The following LPAR4 variants were observed in gnomAD, a reference collection of about 807,000 sequenced individuals.
The protein encoded by LPAR4 is G-protein coupled receptor 23.
In LPAR4, 14 loss-of-function variants were observed where a neutral mutation model predicts 9.2. The observed-to-expected ratio is 1.51, with a 90% CI of 1.00 to 2.37. LPAR4 has a LOEUF of 2.37. Ranked by LOEUF, LPAR4 falls within the 30% of genes most tolerant of loss-of-function variation. LPAR4 has a pLI of 0.00. For missense variants in LPAR4, 251 were observed against 272.1 expected, an observed-to-expected ratio of 0.92 and a Z score of 0.55; for synonymous variants, 131 against 97.9, an observed-to-expected ratio of 1.34 and a Z score of -1.99.
rs1417251010 is a variant in LPAR4 at position 78,757,549 on chromosome X, A to C, written c.*1567A>C. Among the ~76,000 whole-genome samples, 4 of 111,861 alleles carry C rather than the reference A, an allele frequency of 3.6e-5. No homozygotes were observed. Among genetic ancestry groups the C allele is most frequent in the Non-Finnish European group, 7.5e-5 (4 of 53,068 alleles). Reference sequence around the variant, plus strand: ...TTTATAATTTACTTAAACCGCAAAAATCTTTAAAACTCTTACTAGTTTTTA... The same window carrying C: ...TTTATAATTTACTTAAACCGCAAAACTCTTTAAAACTCTTACTAGTTTTTA... On this transcript the variant is annotated 3_prime_UTR_variant, in exon 5 of 5. Transcript: ENST00000614823.
rs772302006 is a variant in LPAR4, at chrX:78,755,535, T to A, written c.666T>A (p.Ser222=). 1 of 1,207,539 alleles carries A rather than the reference T, an allele frequency of 8.3e-7. No individual in the cohort carries two copies. The highest frequency in any genetic ancestry group is 1.8e-5 in the South Asian group (1 of 56,877). ...TCATTCCTCTAATATTGAATGTCTC[T>A]TGCTCTTCTGTGGTGCTGAGAACTC... ...GFIIPLILNV[S]CSSVVLRTLR... is the part of the protein sequence containing the mutation. Residue 222 remains serine, a synonymous_variant, in exon 5 of 5, where the codon TCT becomes TCA. Transcript: ENST00000614823.
rs1455189689 is a variant in LPAR4, at chrX:78,758,664, G to A, written c.*2682G>A. ...GAAAAGCAATTTTGCAGCTGTAATT[G>A]CAACTTGGATTTTAAATGTTTATTA... On this transcript the variant is annotated 3_prime_UTR_variant, in exon 5 of 5. Transcript: ENST00000614823. Among the ~76,000 whole-genome samples the A allele has an allele frequency of 9.0e-6, 1 of 111,379 alleles. No individual in the cohort carries two copies. The highest frequency in any genetic ancestry group is 1.9e-5 in the Non-Finnish European group (1 of 52,944).
At chrX:78,748,148 C>T (rs1444385547) in intron 1 of LPAR4, 114 bp downstream of exon 1, 2 of 111,020 alleles carry the variant, frequency 1.8e-5, no homozygotes. Flanking sequence ...AGTTAGACTT[C>T]AACTCTGAAG....
Position 78,755,905 on chromosome X carries a change from C to T in LPAR4, c.1036C>T (p.Leu346Phe), listed in dbSNP as rs758815838. ...AACACCTTTGACCACAAAGCCTTCC[C>T]TTCCAGCTATTCAAGAGGAAGTGAG... ...TETPLTTKPS[L>F]PAIQEEVSDQ... Residue 346 changes from leucine to phenylalanine, a missense_variant, in exon 5 of 5, where the codon CTT becomes TTT. Coordinates refer to ENST00000614823, the MANE Select transcript of LPAR4 (RefSeq NM_001278000.3). 8.3e-7 allele frequency: 1 copy of T among 1,205,279 alleles called. No homozygotes were observed. Among genetic ancestry groups the T allele is most frequent in the African/African-American group, 1.8e-5 (1 of 57,061 alleles).
At position 78,755,982 on chromosome X, in the gene LPAR4, G is replaced by A. The variant is rs1925276903; in HGVS notation, c.1113G>A (p.Ter371=). The A allele has an allele frequency of 1.7e-6, 2 of 1,194,547 alleles. No individual in the cohort carries two copies. Among genetic ancestry groups the A allele is most frequent in the East Asian group, 3.0e-5 (1 of 33,723 alleles). ...GGELMLESTF[*] ...AATTAATGCTAGAATCCACCTTTTA[G>A]GTATGAGAAATGTGTTCAGGTCCAG... The change falls in exon 5 of 5, where the codon TAG becomes TAA. Residue 371 remains the stop codon, a stop_retained_variant. Transcript: ENST00000614823.
chrX:78,753,533 G>A, intron 4 of LPAR4, among the ~76,000 whole-genome samples: 1 of 112,110 alleles, frequency 8.9e-6, no homozygotes, highest in Non-Finnish European at 1.9e-5. Context: ...ACACTAGAAG[G>A]ATGTGTTCCT....
At position 78,756,450 on chromosome X, in the gene LPAR4, CATT is replaced by C. The variant is rs1306225134; in HGVS notation, c.*473_*475del. The C allele has an allele frequency of 2.4e-5, 3 of 123,093 alleles. No individual in the cohort carries two copies. Among genetic ancestry groups the C allele is most frequent in the African/African-American group, 9.8e-5 (3 of 30,567 alleles). 10.1% of individuals were successfully genotyped at this position (123,093 alleles called of 1,213,427 possible). A position where few individuals can be genotyped will look rare whatever the true frequency, so the allele number is the denominator to read the frequency against. ...TAGCACAAGAATATTTTTAGCCTAA[CATT>C]ATTAATAAGAAATGTGTCAAATTTT... On this transcript the variant is annotated 3_prime_UTR_variant, in exon 5 of 5. Transcript: ENST00000614823.
chrX:78,757,953 A>C lies in LPAR4; in HGVS notation c.*1971A>C, dbSNP rs1925375279. Among the ~76,000 whole-genome samples the C allele has an allele frequency of 8.9e-6, 1 of 112,014 alleles. No individual in the cohort carries two copies. Among genetic ancestry groups the C allele is most frequent in the South Asian group, 3.6e-4 (1 of 2,767 alleles). ...TTCTAAAACAATAAGCAAATTTTTA[A>C]AACTCATTAACTTGTTTTTCTTTCT... On this transcript the variant is annotated 3_prime_UTR_variant, in exon 5 of 5. Transcript: ENST00000614823.
chrX:78,755,894 C>A lies in LPAR4; in HGVS notation c.1025C>A (p.Thr342Lys), dbSNP rs1222862804. 8.3e-7 allele frequency: 1 copy of A among 1,207,798 alleles called. No homozygotes were observed. Among genetic ancestry groups the A allele is most frequent in the Admixed American group, 2.2e-5 (1 of 45,942 alleles). ...TTTAAGACTGAAACACCTTTGACCA[C>A]AAAGCCTTCCCTTCCAGCTATTCAA... ...SLFKTETPLT[T>K]KPSLPAIQEE... Residue 342 changes from threonine to lysine, a missense_variant, in exon 5 of 5, where the codon ACA (threonine) becomes AAA (lysine). Thr to Lys is a moderately conservative substitution (Grantham distance 78). Coordinates refer to ENST00000614823, the MANE Select transcript of LPAR4 (RefSeq NM_001278000.3).
chrX:78,755,133 T>C lies in LPAR4; in HGVS notation c.264T>C (p.Phe88=). 1 of 1,211,340 alleles carries C rather than the reference T, an allele frequency of 8.3e-7. No homozygotes were observed. The highest frequency in any genetic ancestry group is 1.1e-6 in the Non-Finnish European group (1 of 895,155). The change falls in exon 5 of 5, where the codon TTT becomes TTC. Residue 88 remains phenylalanine, a synonymous_variant. Coordinates refer to ENST00000614823, the MANE Select transcript of LPAR4 (RefSeq NM_001278000.3). ...ITNLAVSDLL[F]VCTLPFKIFY... is the part of the protein sequence containing the mutation. Reference sequence around the variant, plus strand: ...ATCTAGCTGTCTCTGATTTGCTTTTTGTCTGTACACTACCTTTTAAAATAT... The same window carrying C: ...ATCTAGCTGTCTCTGATTTGCTTTTCGTCTGTACACTACCTTTTAAAATAT...
In LPAR4 at chrX:78,751,440, G is replaced by A. The variant is rs549055855; in HGVS notation, c.-80+129G>A. On this transcript the variant is annotated intron_variant, in intron 4 of 4. Transcript: ENST00000614823. The stretch of plus-strand genomic sequence containing the variant: ...AAATAGTTCCAACTTTTTAAAGATT[G>A]TATCATCCGAAGATCTAGAATGGAT... 7 of 111,690 alleles carry A rather than the reference G, an allele frequency of 6.3e-5. No individual in the cohort carries two copies. In the South Asian group the frequency reaches 1.1e-3, roughly 18 times the overall value. 9.2% of individuals were successfully genotyped at this position (111,690 alleles called of 1,213,427 possible). A position where few individuals can be genotyped will look rare whatever the true frequency, so the allele number is the denominator to read the frequency against.
Position 78,755,001 on chromosome X carries a change from T to C in LPAR4, c.132T>C (p.Ala44=), listed in dbSNP as rs755778067. 5.0e-6 allele frequency: 6 copies of C among 1,208,747 alleles called. No homozygotes were observed. Among genetic ancestry groups the C allele is most frequent in the African/African-American group, 3.5e-5 (2 of 57,225 alleles). Reference sequence around the variant, plus strand: ...CCTTCAAGTATAATCTCAATGGTGCTGTCTACAGTGTTGTATTCATCTTGG... The same window carrying C: ...CCTTCAAGTATAATCTCAATGGTGCCGTCTACAGTGTTGTATTCATCTTGG... The part of the protein sequence containing the change: ...DDSFKYNLNG[A]VYSVVFILGL... Residue 44 remains alanine (A), a synonymous_variant, in exon 5 of 5, where the codon GCT becomes GCC. Transcript: ENST00000614823.
chrX:78,756,040 T>C lies in LPAR4; in HGVS notation c.*58T>C, dbSNP rs1050185894. The stretch of plus-strand genomic sequence containing the variant: ...TTCTCCTATAATTTTTCCTATGCTA[T>C]AAACTAAAGATTTGAAGCTAATGAT... On this transcript the variant is annotated 3_prime_UTR_variant, in exon 5 of 5. Coordinates refer to ENST00000614823, the MANE Select transcript of LPAR4 (RefSeq NM_001278000.3). 4.2e-6 allele frequency: 4 copies of C among 949,996 alleles called. No individual in the cohort carries two copies. The highest frequency in any genetic ancestry group is 3.9e-5 in the African/African-American group (2 of 51,044). 78.3% of individuals were successfully genotyped at this position (949,996 alleles called of 1,213,427 possible).
intron 1 of LPAR4, among the ~76,000 whole-genome samples, chrX:78,748,290 A>G (rs1207673449): frequency 1.8e-5 from 2 of 112,396 alleles, no homozygotes; most frequent in Non-Finnish European, 3.8e-5. Context: ...TGTTCTAAAG[A>G]GCTAATTTAA....
At chrX:78,753,497 G>A (rs1199162122) in intron 4 of LPAR4, among the ~76,000 whole-genome samples, 1 of 111,900 alleles carries the variant, frequency 8.9e-6, no homozygotes, top group Non-Finnish European at 1.9e-5. Context: ...CTCAAGGGGA[G>A]CTTTCTGAGG....
Position 78,754,902 on chromosome X carries a change from C to T in LPAR4, c.33C>T (p.Phe11=), listed in dbSNP as rs1925216592. The change falls in exon 5 of 5, where the codon TTC becomes TTT. Residue 11 remains phenylalanine (F), a synonymous_variant. Transcript: ENST00000614823. MGDRRFIDFQ[F]QDSNSSLRPR... ...ACAGAAGATTCATTGACTTCCAATT[C>T]CAAGATTCAAATTCAAGCCTCAGAC... is the stretch of plus-strand genomic sequence containing the variant. The T allele has an allele frequency of 1.7e-6, 2 of 1,198,788 alleles. No homozygotes were observed. Among genetic ancestry groups the T allele is most frequent in the East Asian group, 3.0e-5 (1 of 33,709 alleles).
chrX:78,751,231 A>G lies in LPAR4; in HGVS notation c.-160A>G, dbSNP rs894556966. ...ACAGCACCCATTGGAGGAAATCTCT[A>G]ACTACAGTGCCTCCAGGAAACTCAT... On this transcript the variant is annotated 5_prime_UTR_variant, in exon 4 of 5. An upstream open reading frame in the 5' UTR loses its in-frame stop. Coordinates refer to ENST00000614823, the MANE Select transcript of LPAR4 (RefSeq NM_001278000.3). 12 of 111,350 alleles carry G rather than the reference A, an allele frequency of 1.1e-4. No individual in the cohort carries two copies. Among genetic ancestry groups the G allele is most frequent in the African/African-American group, 3.6e-4 (11 of 30,666 alleles). 9.2% of individuals were successfully genotyped at this position (111,350 alleles called of 1,213,427 possible).
rs1248656844 is a variant in LPAR4, at chrX:78,756,571, G to T, written c.*589G>T. On this transcript the variant is annotated 3_prime_UTR_variant, in exon 5 of 5. Transcript: ENST00000614823. ...GTGGGAAGAAAAAGAAAATTAACAG[G>T]ATTTACACAATTATAATCACCAGCA... 8.2e-5 allele frequency: 10 copies of T among 122,475 alleles called. No homozygotes were observed. Among genetic ancestry groups the T allele is most frequent in the Non-Finnish European group, 1.3e-4 (7 of 53,066 alleles). The allele number at this position is 122,475 out of a possible 1,213,427, so 10.1% of individuals were successfully genotyped here.
At position 78,756,001 on chromosome X, in the gene LPAR4, G is replaced by C. The variant is rs1925277418; in HGVS notation, c.*19G>C. 1 of 1,157,180 alleles carries C rather than the reference G, an allele frequency of 8.6e-7. No homozygotes were observed. Among genetic ancestry groups the C allele is most frequent in the African/African-American group, 1.8e-5 (1 of 55,485 alleles). ...CTTTTAGGTATGAGAAATGTGTTCA[G>C]GTCCAGATATGGTTTCTCCTATAAT... On this transcript the variant is annotated 3_prime_UTR_variant, in exon 5 of 5. Coordinates refer to ENST00000614823, the MANE Select transcript of LPAR4 (RefSeq NM_001278000.3).
Sources: allele counts gnomAD v4.1 joint callset (sites outside exome capture counted in the v4.1 genomes callset), GRCh38; gene constraint gnomAD v4.1.1; transcripts MANE v1.5; gene names NCBI Gene and HGNC (gene_info 2026-07-23, HGNC 2026-07-21).